RIN3: variants seen among roughly 807,000 people sequenced by gnomAD.
RIN3 encodes RAB5 interacting protein 3.
RIN3 carries 54 observed loss-of-function variants against 76.3 expected under a neutral mutation model. The observed-to-expected ratio is 0.71, with a 90% CI of 0.57 to 0.89. The LOEUF is 0.89. RIN3 is among the 40% of genes least tolerant of loss of function. The probability of loss-of-function intolerance (pLI) is 0.00; values close to 1 mark genes in which losing one functional copy is unlikely to be tolerated. For synonymous variants in RIN3, 576 were observed against 564.0 expected (o/e 1.02, Z -0.30); for missense variants, 1,256 against 1,322.1 (o/e 0.95, Z 0.78).
intron 2 of RIN3, among the ~76,000 whole-genome samples, chr14:92,576,721 A>G (rs1212383909): frequency 6.6e-6 from 1 of 152,202 alleles, no homozygotes; most frequent in Admixed American, 6.5e-5. Flanking sequence ...TTCATCTGTA[A>G]GATGGGGATA....
chr14:92,586,368 GTTC>G (rs1884777919), intron 3 of RIN3: 1 of 152,160 alleles, frequency 6.6e-6, no homozygotes, highest in South Asian at 2.1e-4. Context: ...ATGTTGATTC[GTTC>G]TTCTTATCTC....
Position 92,688,068 on chromosome 14 carries a change from TGCTGGTGGACGGGCGCTGCTTCCA to T in RIN3, c.2780_2803del (p.Val927_Leu934del). ...CGGCCGCAGGCGCACCGGCTGTTCG[TGCTGGTGGACGGGCGCTGCTTCCA>T]GCTGGCGGACGACGCGCTGCCGCAC... On this transcript the variant is annotated inframe_deletion, in exon 10 of 10. Coordinates refer to ENST00000216487, the MANE Select transcript of RIN3 (RefSeq NM_024832.5). 1.2e-6 allele frequency: 2 copies of T among 1,605,208 alleles called. No homozygotes were observed. The highest frequency in any genetic ancestry group is 1.7e-6 in the Non-Finnish European group (2 of 1,176,990).
At chr14:92,601,568 A>G (rs139310720) in intron 3 of RIN3, among the ~76,000 whole-genome samples, 128 of 150,782 alleles carry the variant, frequency 8.5e-4, no homozygotes, top group African/African-American at 3.1e-3. Context: ...GTCACTACCA[A>G]GGTGTTACCC....
rs771777853 is a variant in RIN3, at chr14:92,685,301, G to A, written c.2631+151G>A. ...AGTGAGACTCCCCACACCAGAGGAA[G>A]GGCCCCCAGCCCCTGCTGCCAGTGT... On this transcript the variant is annotated intron_variant, in intron 9 of 9. Transcript: ENST00000216487. This position sits in a 1 kb window ranked among gnomAD's most constrained non-coding sequence, Gnocchi z 4.7. 2.6e-6 allele frequency: 2 copies of A among 779,544 alleles called. No individual in the cohort carries two copies. The highest frequency in any genetic ancestry group is 4.0e-6 in the Non-Finnish European group (2 of 500,154). The allele number at this position is 779,544 out of a possible 1,614,324, so 48.3% of individuals were successfully genotyped here.
chr14:92,674,105 G>A (rs1010552367), intron 7 of RIN3, among the ~76,000 whole-genome samples: 5 of 152,164 alleles, frequency 3.3e-5, no homozygotes, highest in African/African-American at 4.8e-5. Context: ...GACCACCTGT[G>A]CCGTTTCAAT....
intron 1 of RIN3, 60 bp from the exon 2 acceptor site, chr14:92,555,691 T>C (rs1897555826): frequency 6.6e-7 from 1 of 1,508,398 alleles, no homozygotes. Flanking sequence ...AATCCCCAGG[T>C]GTTATAAACC....
chr14:92,535,928 C>T (rs1341242872), intron 1 of RIN3, among the ~76,000 whole-genome samples: 2 of 151,546 alleles, frequency 1.3e-5, no homozygotes, highest in African/African-American at 2.4e-5. Context: ...GAAGAAGGGA[C>T]CAGGCTTCAT....
rs564857352 is a variant in RIN3, at chr14:92,574,598, G to A, written c.250-2762G>A. 1.3e-4 allele frequency among the ~76,000 whole-genome samples: 20 copies of A among 151,924 alleles called. No individual in the cohort carries two copies. The East Asian group carries it at 3.5e-3, about 26-fold the overall frequency. The stretch of plus-strand genomic sequence containing the variant: ...ATTTGGGGGCTGCTTTTTGTTAAAA[G>A]GGAAGCTCAGCAGAGGACTCTGTTA... On this transcript the variant is annotated intron_variant, in intron 2 of 9. Coordinates refer to ENST00000216487, the MANE Select transcript of RIN3 (RefSeq NM_024832.5).
At chr14:92,653,599 C>A (rs1417465072) in intron 6 of RIN3, among the ~76,000 whole-genome samples, 1 of 152,228 alleles carries the variant, frequency 6.6e-6, no homozygotes, top group Non-Finnish European at 1.5e-5. Context: ...CCTCTGACCA[C>A]CCCTTCTAAA....
At chr14:92,616,577 A>G (rs1261571004) in intron 4 of RIN3, among the ~76,000 whole-genome samples, 1 of 151,836 alleles carries the variant, frequency 6.6e-6, no homozygotes. Flanking sequence ...AGGCAGAGGG[A>G]CCAATGATCT....
At chr14:92,651,499 A>ACCCCC in intron 5 of RIN3, 83 bp from the exon 6 acceptor site, 2 of 431,570 alleles carry the variant, frequency 4.6e-6, no homozygotes, top group African/African-American at 2.1e-5. Flanking sequence ...CCACCCGTGG[A>ACCCCC]CCCCGCCCAC....
chr14:92,523,448 T>C (rs546901582), intron 1 of RIN3, among the ~76,000 whole-genome samples: 8 of 152,360 alleles, frequency 5.3e-5, no homozygotes, highest in Middle Eastern at 3.4e-3. Context: ...TTAGATTTTC[T>C]ATCACTTACA....
At chr14:92,581,545 A>C (rs1898436941) in intron 3 of RIN3, among the ~76,000 whole-genome samples, 1 of 152,122 alleles carries the variant, frequency 6.6e-6, no homozygotes, top group Non-Finnish European at 1.5e-5. Flanking sequence ...AAGGCACATC[A>C]GGCTGGACCA....
At chr14:92,663,059 C>G (rs540145555) in intron 7 of RIN3, among the ~76,000 whole-genome samples, 1 of 152,170 alleles carries the variant, frequency 6.6e-6, no homozygotes, top group Non-Finnish European at 1.5e-5. Flanking sequence ...AATTTGCCCG[C>G]CTTGGCCTCC....
At position 92,609,843 on chromosome 14, in the gene RIN3, C is replaced by CTGTGTG. The variant is rs34350495; in HGVS notation, c.368-5526_368-5521dup. 2.3e-3 allele frequency among the ~76,000 whole-genome samples: 321 copies of CTGTGTG among 138,498 alleles called. 2 individuals are homozygous for CTGTGTG. Among genetic ancestry groups the CTGTGTG allele is most frequent in the African/African-American group, 7.5e-3 (285 of 38,076 alleles). The allele number at this position is 138,498 out of a possible 152,430, so 90.9% of individuals were successfully genotyped here. A position where few individuals can be genotyped will look rare whatever the true frequency, so the allele number is the denominator to read the frequency against. On this transcript the variant is annotated intron_variant, in intron 3 of 9. Transcript: ENST00000216487. ...CAGAATGCAGGAAGTGAAATTCAGT[C>CTGTGTG]TGTGTGTGTGTGTGTGTGTGTGTGT...
chr14:92,580,028 C>G (rs1038460813), intron 3 of RIN3, among the ~76,000 whole-genome samples: 1 of 152,244 alleles, frequency 6.6e-6, no homozygotes, highest in Non-Finnish European at 1.5e-5. Context: ...AAGCAGGTTA[C>G]CTTTCCTGCT....
chr14:92,518,576 G>T (rs1406727048), intron 1 of RIN3, among the ~76,000 whole-genome samples: 1 of 152,160 alleles, frequency 6.6e-6, no homozygotes. Flanking sequence ...ACCCTGCTTG[G>T]CCCCAACTCC....
intron 1 of RIN3, among the ~76,000 whole-genome samples, chr14:92,545,413 C>T (rs1488984904): frequency 6.6e-6 from 1 of 152,026 alleles, no homozygotes; most frequent in Non-Finnish European, 1.5e-5. Context: ...CCCGGCCTAA[C>T]TTTCTGTTTT....
chr14:92,524,789 G>C (rs373272924), intron 1 of RIN3, among the ~76,000 whole-genome samples: 1 of 152,178 alleles, frequency 6.6e-6, no homozygotes, highest in African/African-American at 2.4e-5. Context: ...CAGGGTCTCC[G>C]GACCTGTGGG....
Sources: gnomAD v4.1 joint callset for allele counts (sites outside exome capture counted in the v4.1 genomes callset) on GRCh38, gnomAD v4.1.1 for gene constraint, Gnocchi (gnomAD v3.1) non-coding constraint, MANE v1.5 for transcripts, NCBI Gene and HGNC (gene_info 2026-07-23, HGNC 2026-07-21) for gene names.